The following INTS6 variants were observed in gnomAD, a reference collection of about 807,000 sequenced individuals.
INTS6 encodes the protein DEAD box protein.
INTS6 carries 16 observed loss-of-function variants against 104.9 expected under a neutral mutation model. The ratio of observed to expected loss-of-function variants is 0.15; its 90% CI spans 0.10 to 0.23. INTS6 has a LOEUF of 0.23. INTS6 is among the 10% of genes least tolerant of loss of function. The probability of loss-of-function intolerance (pLI) is 1.00; values close to 1 mark genes in which losing one functional copy is unlikely to be tolerated. For synonymous variants in INTS6, 324 were observed against 358.7 expected, an observed-to-expected ratio of 0.90 and a Z score of 1.09; for missense variants, 584 against 1,062.8, an observed-to-expected ratio of 0.55 and a Z score of 6.26.
downstream of INTS6, among the ~76,000 whole-genome samples, chr13:51,357,346 T>C (rs1955495687): frequency 6.6e-6 from 1 of 152,162 alleles, no homozygotes; most frequent in Non-Finnish European, 1.5e-5. Flanking sequence ...CACATCTTAA[T>C]TGTAGAAACA....
At chr13:51,430,086 G>A (rs757543508) in intron 4 of INTS6, 33 of 455,944 alleles carry the variant, frequency 7.2e-5, no homozygotes, top group African/African-American at 1.0e-4. Flanking sequence ...ATGAGGTGTG[G>A]GTATGCTCAA....
Position 51,452,115 on chromosome 13 carries a change from G to A in INTS6, c.112-60C>T, listed in dbSNP as rs1052402218. On this transcript the variant is annotated intron_variant, in intron 1 of 17. Coordinates refer to ENST00000311234, the MANE Select transcript of INTS6 (RefSeq NM_012141.3). This position sits in a 1 kb window ranked among gnomAD's most constrained non-coding sequence, Gnocchi z 4.2. ...GGGAAGCACAGAGGCGAGGTTACGA[G>A]GCGGAGAAGGGGCGCCCAGCGGCCC... 1.3e-6 allele frequency: 2 copies of A among 1,503,964 alleles called. No homozygotes were observed. The highest frequency in any genetic ancestry group is 1.1e-5 in the South Asian group (1 of 88,026). The allele number at this position is 1,503,964 out of a possible 1,614,324, so 93.2% of individuals were successfully genotyped here.
chr13:51,341,281 C>T, the INTS6 span: 1 of 1,613,890 alleles, frequency 6.2e-7, no homozygotes, highest in Non-Finnish European at 8.5e-7. Context: ...CCTGGAGATC[C>T]TGCAGTTTGG....
At position 51,390,873 on chromosome 13, in the gene INTS6, T is replaced by C. The variant is rs552993840; in HGVS notation, c.614-1429A>G. On this transcript the variant is annotated intron_variant, in intron 5 of 17. Coordinates refer to ENST00000311234, the MANE Select transcript of INTS6 (RefSeq NM_012141.3). ...ATCATTTTATGATTATTAATTTCTT[T>C]AATCTCAGCAACAATTGTATGGGTT... 1.2e-4 allele frequency among the ~76,000 whole-genome samples: 19 copies of C among 152,220 alleles called. No individual in the cohort carries two copies. In the South Asian group the frequency reaches 3.9e-3, roughly 32 times the overall value.
At chr13:51,386,231 G>A (rs17194985) in intron 7 of INTS6, among the ~76,000 whole-genome samples, 3,604 of 152,214 alleles carry the variant, frequency 0.024, 58 homozygotes, top group South Asian at 0.059. Flanking sequence ...TAATAGATAA[G>A]GGTTCTGATA....
At chr13:51,356,555 T>C (rs1955485543) in intron 3 of INTS6, among the ~76,000 whole-genome samples, 1 of 152,132 alleles carries the variant, frequency 6.6e-6, no homozygotes, top group Non-Finnish European at 1.5e-5. Flanking sequence ...CTGTATTCCG[T>C]GAATCACTAG....
Position 51,450,924 on chromosome 13 carries a change from T to C in INTS6, c.339+101A>G, listed in dbSNP as rs546374205. The C allele has an allele frequency of 7.2e-5, 98 of 1,352,264 alleles. 1 individual carries two copies. In the East Asian group the frequency reaches 8.3e-4, roughly 11 times the overall value. The allele number at this position is 1,352,264 out of a possible 1,614,324, so 83.8% of individuals were successfully genotyped here. On this transcript the variant is annotated intron_variant, in intron 3 of 17. Transcript: ENST00000311234. ...GTGCATATTCTATTTTAATTTGGAA[T>C]GTTTTATACTTGCATTTCATGTTAT...
intron 11 of INTS6, 33 bp from the exon 12 acceptor site, chr13:51,378,487 A>C (rs1339667960): frequency 7.1e-7 from 1 of 1,406,594 alleles, no homozygotes. Flanking sequence ...TTATCTTGAT[A>C]AAATCTAAAT....
Position 51,452,607 on chromosome 13 carries a change from C to T in INTS6, c.-82G>A. The T allele has an allele frequency of 1.3e-6, 2 of 1,554,360 alleles. No homozygotes were observed. The highest frequency in any genetic ancestry group is 2.5e-5 in the East Asian group (1 of 40,660). On this transcript the variant is annotated 5_prime_UTR_variant, in exon 1 of 18. Transcript: ENST00000311234. The surrounding 1 kb of genome is among the most constrained non-coding windows in gnomAD (Gnocchi z 4.2). ...GTGGAGGCGCCGGTGGCGGCGACCG[C>T]CGCTACGCGGGGCGGGGGAGCACGG...
At position 51,444,246 on chromosome 13, in the gene INTS6, C is replaced by T. The variant is rs1378693183; in HGVS notation, c.339+6779G>A. ...ACTACAGGCACATGCCACCACCCCC[C>T]AGCTAATTTTTTTTTTTTTTTTTTT... On this transcript the variant is annotated intron_variant, in intron 3 of 17. Transcript: ENST00000311234. The T allele has an allele frequency of 4.1e-5, 6 of 145,768 alleles. No homozygotes were observed. The South Asian group carries it at 1.3e-3, about 32-fold the overall frequency. 9.0% of individuals were successfully genotyped at this position (145,768 alleles called of 1,614,324 possible). A position where few individuals can be genotyped will look rare whatever the true frequency, so the allele number is the denominator to read the frequency against.
intron 4 of INTS6, among the ~76,000 whole-genome samples, chr13:51,408,417 T>C (rs1956617568): frequency 6.6e-6 from 1 of 152,194 alleles, no homozygotes; most frequent in South Asian, 2.1e-4. Context: ...AGTGCTGGGA[T>C]TACAGGCAAG....
At chr13:51,447,694 T>G (rs1295712701) in intron 3 of INTS6, 2 of 98,548 alleles carry the variant, frequency 2.0e-5, no homozygotes, top group African/African-American at 8.2e-5. Context: ...CAGGCCAGAG[T>G]AAAGATATAT....
At chr13:51,361,192 G>C (rs139464731), downstream of INTS6, 3 of 874,334 alleles carry the variant, frequency 3.4e-6, no homozygotes, top group South Asian at 1.5e-5. Flanking sequence ...TATAAATTTT[G>C]TAAGTACATT....
chr13:51,429,331 A>G (rs934680117), intron 4 of INTS6, among the ~76,000 whole-genome samples: 7 of 152,292 alleles, frequency 4.6e-5, no homozygotes, highest in East Asian at 1.9e-4. Context: ...TCACCTTTCT[A>G]TATCAGCCCA....
In INTS6 at chr13:51,364,017, T is replaced by A. The variant is rs1955636075; in HGVS notation, c.*1735A>T. ...ATGACTTCTAATTCCTCCTAGTAATTCCAGAATCTAAATATATATAATTTA... is the reference window on the plus strand; with the variant it reads ...ATGACTTCTAATTCCTCCTAGTAATACCAGAATCTAAATATATATAATTTA... On this transcript the variant is annotated 3_prime_UTR_variant, in exon 18 of 18. Transcript: ENST00000311234. The A allele has an allele frequency of 3.1e-6, 1 of 322,686 alleles. No homozygotes were observed. The highest frequency in any genetic ancestry group is 4.8e-5 in the East Asian group (1 of 20,866). The allele number at this position is 322,686 out of a possible 1,614,324, so 20.0% of individuals were successfully genotyped here. A position where few individuals can be genotyped will look rare whatever the true frequency, so the allele number is the denominator to read the frequency against.
At chr13:51,424,906 T>A (rs1487479583) in intron 4 of INTS6, among the ~76,000 whole-genome samples, 1 of 152,036 alleles carries the variant, frequency 6.6e-6, no homozygotes, top group Admixed American at 6.6e-5. Context: ...TCCAAAATTC[T>A]AAGTGTCTTA....
At chr13:51,429,157 T>C (rs1189764491) in intron 4 of INTS6, among the ~76,000 whole-genome samples, 2 of 152,222 alleles carry the variant, frequency 1.3e-5, no homozygotes, top group African/African-American at 4.8e-5. Flanking sequence ...CCACATGCCC[T>C]GACTCCATGT....
At chr13:51,376,685 C>T (rs1210205464) in intron 12 of INTS6, among the ~76,000 whole-genome samples, 2 of 152,282 alleles carry the variant, frequency 1.3e-5, no homozygotes, top group Admixed American at 1.3e-4. Flanking sequence ...TCTTTCTATG[C>T]TCCATTTTAT....
chr13:51,343,853 T>A, the INTS6 span, among the ~76,000 whole-genome samples: 1 of 152,214 alleles, frequency 6.6e-6, no homozygotes, highest in Non-Finnish European at 1.5e-5. Flanking sequence ...AATCTCCTGA[T>A]GTGTTTGAAA....
Sources: gnomAD v4.1 joint callset for allele counts (sites outside exome capture counted in the v4.1 genomes callset) on GRCh38, gnomAD v4.1.1 for gene constraint, Gnocchi (gnomAD v3.1) non-coding constraint, MANE v1.5 for transcripts, NCBI Gene and HGNC (gene_info 2026-07-23, HGNC 2026-07-21) for gene names.